The following MBD5 variants were observed in gnomAD, a reference collection of about 807,000 sequenced individuals.
The protein encoded by MBD5 is methyl-CpG-binding domain protein 5.
MBD5 carries 13 observed loss-of-function variants against 117.3 expected under a neutral mutation model. That is an observed-to-expected ratio of 0.11 (90% confidence interval 0.07 to 0.18). The LOEUF is 0.18. Among genes scored for constraint, MBD5 ranks in the 10% least tolerant of loss-of-function variants. The pLI is 1.00. For missense variants in MBD5, 1,879 were observed against 2,093.8 expected, an observed-to-expected ratio of 0.90 and a Z score of 2.00; for synonymous variants, 727 against 766.4, an observed-to-expected ratio of 0.95 and a Z score of 0.85.
At chr2:148,062,162 C>A (rs1186645848) in intron 1 of MBD5, 2 of 151,352 alleles carry the variant, frequency 1.3e-5, no homozygotes, top group African/African-American at 4.8e-5. Context: ...GCCATCTTAA[C>A]CTTAAGATGA....
chr2:148,096,565 C>G (rs1253863159), intron 1 of MBD5, among the ~76,000 whole-genome samples: 1 of 152,158 alleles, frequency 6.6e-6, no homozygotes, highest in Non-Finnish European at 1.5e-5. Flanking sequence ...TGTTCTGACA[C>G]CAAGCCATTG....
intron 1 of MBD5, chr2:148,056,155 T>C (rs1488378013): frequency 1.3e-5 from 2 of 152,204 alleles, no homozygotes; most frequent in Non-Finnish European, 2.9e-5. Flanking sequence ...CTCTTGCTTA[T>C]ATAAAGAAAT....
At chr2:148,038,672 A>G (rs1318856933) in intron 1 of MBD5, among the ~76,000 whole-genome samples, 2 of 151,932 alleles carry the variant, frequency 1.3e-5, no homozygotes, top group Non-Finnish European at 1.5e-5. Context: ...AAAAGAGTTT[A>G]TAATAAGTTA....
chr2:148,431,947 G>C (rs1386181208), intron 4 of MBD5, among the ~76,000 whole-genome samples: 1 of 152,084 alleles, frequency 6.6e-6, no homozygotes, highest in Non-Finnish European at 1.5e-5. Context: ...TAAGCTCTTT[G>C]AGAAATCACC....
chr2:148,452,732 C>T (rs969730791), intron 4 of MBD5, among the ~76,000 whole-genome samples: 4 of 151,882 alleles, frequency 2.6e-5, no homozygotes, highest in South Asian at 2.1e-4. Context: ...TAAATAAAAC[C>T]GTGATTAACT....
chr2:148,362,269 A>C (rs1415860169), intron 4 of MBD5, among the ~76,000 whole-genome samples: 1 of 152,200 alleles, frequency 6.6e-6, no homozygotes, highest in Non-Finnish European at 1.5e-5. Flanking sequence ...AGCAGCCTGA[A>C]GTGAACCTGA....
At chr2:148,157,276 C>G (rs1033429066) in intron 1 of MBD5, among the ~76,000 whole-genome samples, 1 of 151,970 alleles carries the variant, frequency 6.6e-6, no homozygotes, top group Non-Finnish European at 1.5e-5. Context: ...TCCTAATGCT[C>G]TCCCTCCCCT....
At chr2:148,087,448 C>T (rs1281257322) in intron 1 of MBD5, among the ~76,000 whole-genome samples, 1 of 152,192 alleles carries the variant, frequency 6.6e-6, no homozygotes, top group African/African-American at 2.4e-5. Flanking sequence ...CTTCTACAAC[C>T]AATTACAGAG....
Sources: allele counts gnomAD v4.1 joint callset (sites outside exome capture counted in the v4.1 genomes callset), GRCh38; gene constraint gnomAD v4.1.1; transcripts MANE v1.5; gene names NCBI Gene and HGNC (gene_info 2026-07-23, HGNC 2026-07-21).